The following SPMIP2 variants were observed in gnomAD, a reference collection of about 807,000 sequenced individuals.
SPMIP2 encodes the protein sperm microtubule inner protein 2, also known as protein SPMIP2.
chr4:159,002,794 ACG>A, the SPMIP2 span, among the ~76,000 whole-genome samples: 3 of 151,656 alleles, frequency 2.0e-5, no homozygotes, highest in Non-Finnish European at 4.4e-5. Flanking sequence ...ACACACACAC[ACG>A]CAGTGTTGTT....
At chr4:158,898,327 T>C in the SPMIP2 span, among the ~76,000 whole-genome samples, 4 of 152,214 alleles carry the variant, frequency 2.6e-5, no homozygotes, top group Non-Finnish European at 5.9e-5. Context: ...GCAGGCTCTT[T>C]TTTGGTTCCA....
the SPMIP2 span, among the ~76,000 whole-genome samples, chr4:158,918,730 T>C: frequency 6.6e-6 from 1 of 152,188 alleles, no homozygotes; most frequent in Admixed American, 6.5e-5. Context: ...CCACATCAAC[T>C]GTGGGGATTT....
the SPMIP2 span, among the ~76,000 whole-genome samples, chr4:159,061,072 G>A: frequency 4.5e-5 from 5 of 111,820 alleles, no homozygotes; most frequent in South Asian, 1.7e-3. Flanking sequence ...GCAACAGAGT[G>A]AGACCCTATC....
chr4:158,975,041 A>G, the SPMIP2 span, among the ~76,000 whole-genome samples: 2 of 152,148 alleles, frequency 1.3e-5, no homozygotes, highest in Admixed American at 1.3e-4. Context: ...TTTGATTTTC[A>G]TTTCTCTAAT....
the SPMIP2 span, among the ~76,000 whole-genome samples, chr4:159,034,081 G>A: frequency 6.6e-6 from 1 of 152,228 alleles, no homozygotes; most frequent in Non-Finnish European, 1.5e-5. Flanking sequence ...AGGGTGCAGA[G>A]AGCCCAGATC....
the SPMIP2 span, chr4:158,895,784 T>C: frequency 6.2e-7 from 1 of 1,613,036 alleles, no homozygotes; most frequent in Non-Finnish European, 8.5e-7. Flanking sequence ...CTACAGGAGA[T>C]GTACCTTAAA....
the SPMIP2 span, among the ~76,000 whole-genome samples, chr4:159,019,661 A>G: frequency 6.6e-6 from 1 of 152,186 alleles, no homozygotes; most frequent in African/African-American, 2.4e-5. Flanking sequence ...CTGAAAGTTC[A>G]GTGTCCTGGG....
At chr4:158,945,013 G>A in the SPMIP2 span, among the ~76,000 whole-genome samples, 41 of 152,232 alleles carry the variant, frequency 2.7e-4, no homozygotes, top group Admixed American at 7.9e-4. Flanking sequence ...TCCTCTAAAG[G>A]TCAGAACTCA....
chr4:158,979,998 C>T, the SPMIP2 span, among the ~76,000 whole-genome samples: 29 of 152,062 alleles, frequency 1.9e-4, no homozygotes, highest in East Asian at 1.9e-4. Flanking sequence ...CGACCTGGGA[C>T]GCTCAAGCTT....
chr4:158,936,796 C>T, the SPMIP2 span, among the ~76,000 whole-genome samples: 3 of 152,202 alleles, frequency 2.0e-5, no homozygotes, highest in Non-Finnish European at 2.9e-5. Flanking sequence ...ATATTTTCCT[C>T]GCTACATTGG....
chr4:158,990,811 C>G, the SPMIP2 span, among the ~76,000 whole-genome samples: 10 of 152,108 alleles, frequency 6.6e-5, no homozygotes, highest in African/African-American at 2.2e-4. Flanking sequence ...GTGCAGCAAA[C>G]CACCATGTCA....
At chr4:158,908,371 AT>A in the SPMIP2 span, among the ~76,000 whole-genome samples, 1 of 152,188 alleles carries the variant, frequency 6.6e-6, no homozygotes, top group African/African-American at 2.4e-5. Context: ...CCTGTTTATA[AT>A]TAAGCAGATA....
the SPMIP2 span, among the ~76,000 whole-genome samples, chr4:158,965,953 C>T: frequency 2.0e-4 from 30 of 152,274 alleles, no homozygotes; most frequent in Non-Finnish European, 1.6e-4. Context: ...AGATCTCAGA[C>T]CTCAAATTGC....
the SPMIP2 span, among the ~76,000 whole-genome samples, chr4:159,044,918 C>T: frequency 6.6e-6 from 1 of 151,976 alleles, no homozygotes; most frequent in South Asian, 2.1e-4. Context: ...ATGGTGAAAC[C>T]CCATCTCTAC....
the SPMIP2 span, among the ~76,000 whole-genome samples, chr4:158,986,346 A>G: frequency 1.3e-5 from 2 of 152,162 alleles, no homozygotes; most frequent in Non-Finnish European, 2.9e-5. Context: ...AAGACAAAAG[A>G]ACAAAGCTGG....
the SPMIP2 span, among the ~76,000 whole-genome samples, chr4:158,903,709 G>GA: frequency 2.8e-3 from 424 of 152,248 alleles, 3 homozygotes; most frequent in African/African-American, 9.7e-3. Flanking sequence ...AGAAGGACTA[G>GA]AAAACCCCAT....
At chr4:158,941,478 G>C in the SPMIP2 span, among the ~76,000 whole-genome samples, 1 of 152,128 alleles carries the variant, frequency 6.6e-6, no homozygotes, top group East Asian at 1.9e-4. Context: ...GAAACATAAA[G>C]AGACTCTGTA....
At chr4:158,927,329 CTGAGG>C in the SPMIP2 span, among the ~76,000 whole-genome samples, 2 of 152,166 alleles carry the variant, frequency 1.3e-5, no homozygotes, top group Admixed American at 6.5e-5. Context: ...TTACTACTGT[CTGAGG>C]TATTTTTTAC....
chr4:158,949,182 T>A, the SPMIP2 span, among the ~76,000 whole-genome samples: 1 of 152,212 alleles, frequency 6.6e-6, no homozygotes, highest in African/African-American at 2.4e-5. Context: ...TTTGCTTCAT[T>A]ATTTCAGTGT....
Sources: allele counts gnomAD v4.1 joint callset (sites outside exome capture counted in the v4.1 genomes callset), GRCh38; gene constraint gnomAD v4.1.1; transcripts MANE v1.5; gene names NCBI Gene and HGNC (gene_info 2026-07-23, HGNC 2026-07-21).